The following PPP2R2B variants were observed in gnomAD, a reference collection of about 807,000 sequenced individuals.
The protein encoded by PPP2R2B is serine/threonine-protein phosphatase 2A 55 kDa regulatory subunit B beta isoform.
A neutral mutation model predicts 46.0 loss-of-function variants in PPP2R2B; 5 were observed. That is an observed-to-expected ratio of 0.11 (90% CI 0.06 to 0.23). PPP2R2B has a LOEUF of 0.23. Ranked by LOEUF, PPP2R2B falls within the 10% of genes least tolerant of loss-of-function variation. PPP2R2B has a pLI of 1.00. For missense variants in PPP2R2B, 367 were observed against 575.0 expected (o/e 0.64, Z 3.70); for synonymous variants, 215 against 206.7 (o/e 1.04, Z -0.34).
chr5:146,744,836 T>G (rs766870893), intron 2 of PPP2R2B, among the ~76,000 whole-genome samples: 5 of 152,208 alleles, frequency 3.3e-5, no homozygotes, highest in Non-Finnish European at 7.3e-5. Context: ...GATATTTATC[T>G]CCTACTTTCA....
At chr5:146,599,548 C>CTCTA (rs1771571992) in intron 8 of PPP2R2B, among the ~76,000 whole-genome samples, 1 of 152,204 alleles carries the variant, frequency 6.6e-6, no homozygotes, top group African/African-American at 2.4e-5. Flanking sequence ...AGCCCCTTGC[C>CTCTA]TCTATCTCCA....
At chr5:147,021,365 C>T (rs1755258887) in intron 1 of PPP2R2B, among the ~76,000 whole-genome samples, 1 of 152,142 alleles carries the variant, frequency 6.6e-6, no homozygotes, top group Non-Finnish European at 1.5e-5. Flanking sequence ...GAGGCAGATA[C>T]TGGAGAGGTG....
At chr5:146,992,927 T>C (rs1316644286) in intron 1 of PPP2R2B, among the ~76,000 whole-genome samples, 1 of 152,208 alleles carries the variant, frequency 6.6e-6, no homozygotes, top group Non-Finnish European at 1.5e-5. Context: ...ATTCTGGTGA[T>C]GAAAAATCTT....
At chr5:146,999,453 T>C (rs551485969) in intron 1 of PPP2R2B, among the ~76,000 whole-genome samples, 7 of 152,150 alleles carry the variant, frequency 4.6e-5, no homozygotes, top group Non-Finnish European at 1.0e-4. Context: ...ATATCAATAC[T>C]CAAGGCCTAT....
intron 7 of PPP2R2B, among the ~76,000 whole-genome samples, chr5:146,628,751 TA>T (rs1774227091): frequency 1.3e-5 from 2 of 152,250 alleles, no homozygotes. Context: ...GGCAGTGTGC[TA>T]ACTGCTTTTA....
intron 4 of PPP2R2B, among the ~76,000 whole-genome samples, chr5:146,692,674 C>T (rs1778930210): frequency 1.3e-5 from 2 of 151,850 alleles, no homozygotes; most frequent in African/African-American, 4.8e-5. Flanking sequence ...GGTGGGACTA[C>T]AGGCACCCAC....
At chr5:146,847,888 G>A (rs1341460884) in intron 2 of PPP2R2B, among the ~76,000 whole-genome samples, 1 of 152,212 alleles carries the variant, frequency 6.6e-6, no homozygotes, top group Non-Finnish European at 1.5e-5. Flanking sequence ...GGGGATACGA[G>A]CTCCTGCGGC....
intron 2 of PPP2R2B, among the ~76,000 whole-genome samples, chr5:146,793,797 A>G (rs1005597645): frequency 2.0e-5 from 3 of 152,198 alleles, no homozygotes; most frequent in Non-Finnish European, 4.4e-5. Flanking sequence ...AACAGAGCCA[A>G]AAGAATTCAG....
intron 1 of PPP2R2B, among the ~76,000 whole-genome samples, chr5:147,007,668 G>A (rs1754509069): frequency 6.6e-6 from 1 of 152,158 alleles, no homozygotes; most frequent in South Asian, 2.1e-4. Flanking sequence ...AACACTCACT[G>A]CGAAGGTCTG....
chr5:146,784,561 A>G (rs1019191623), intron 2 of PPP2R2B, among the ~76,000 whole-genome samples: 1 of 152,202 alleles, frequency 6.6e-6, no homozygotes, highest in Admixed American at 6.5e-5. Context: ...ATGAATATCA[A>G]TTAGAACTGG....
chr5:146,621,960 T>G (rs1485460326), intron 7 of PPP2R2B, among the ~76,000 whole-genome samples: 1 of 152,182 alleles, frequency 6.6e-6, no homozygotes, highest in African/African-American at 2.4e-5. Flanking sequence ...CCCAGTGTAC[T>G]CTAGCACTCC....
intron 7 of PPP2R2B, among the ~76,000 whole-genome samples, chr5:146,618,927 A>C (rs1201683368): frequency 6.6e-6 from 1 of 152,200 alleles, no homozygotes; most frequent in Non-Finnish European, 1.5e-5. Context: ...ATCTTCCCAA[A>C]GCAATGCCAC....
intron 1 of PPP2R2B, among the ~76,000 whole-genome samples, chr5:146,911,360 G>T (rs1158233784): frequency 6.6e-6 from 1 of 152,116 alleles, no homozygotes; most frequent in Non-Finnish European, 1.5e-5. Flanking sequence ...AGGATTACAG[G>T]GGTAAGCCAC....
intron 2 of PPP2R2B, among the ~76,000 whole-genome samples, chr5:146,763,499 C>T (rs527673624): frequency 2.9e-4 from 44 of 152,260 alleles, no homozygotes; most frequent in African/African-American, 1.0e-3. Context: ...ACCCAACACA[C>T]GAACTGACTC....
At chr5:146,940,447 A>G (rs1030215304) in intron 1 of PPP2R2B, among the ~76,000 whole-genome samples, 1 of 151,970 alleles carries the variant, frequency 6.6e-6, no homozygotes, top group African/African-American at 2.4e-5. Flanking sequence ...AATGCCAGTC[A>G]GGAGTTATAC....
Position 146,587,580 on chromosome 5 carries a change from C to CT in PPP2R2B, c.*2366dup, listed in dbSNP as rs1434529709. The CT allele has an allele frequency of 1.3e-5, 2 of 152,194 alleles. No individual in the cohort carries two copies. Among genetic ancestry groups the CT allele is most frequent in the Non-Finnish European group, 2.9e-5 (2 of 68,042 alleles). The allele number at this position is 152,194 out of a possible 1,614,324, so 9.4% of individuals were successfully genotyped here. A position where few individuals can be genotyped will look rare whatever the true frequency, so the allele number is the denominator to read the frequency against. On this transcript the variant is annotated 3_prime_UTR_variant, in exon 10 of 10. Transcript: ENST00000394411. ...TGTGTTATGGGCAGCCCTGCTGACTCTAATATGTGAAGAACCACCATCTTT... is the reference window on the plus strand; with the variant it reads ...TGTGTTATGGGCAGCCCTGCTGACTCTTAATATGTGAAGAACCACCATCTTT...
chr5:146,658,385 T>A lies in PPP2R2B; in HGVS notation c.448-7661A>T, dbSNP rs949794919. ...GGCTTCCTTCAAGAAACAGCCTTCA[T>A]GACTTTTTAGTAACAACTGGGACCC... On this transcript the variant is annotated intron_variant, in intron 5 of 9. Transcript: ENST00000394411. Among the ~76,000 whole-genome samples, 4 of 152,342 alleles carry A rather than the reference T, an allele frequency of 2.6e-5. No individual in the cohort carries two copies. In the South Asian group the frequency reaches 8.3e-4, roughly 32 times the overall value.
chr5:146,643,200 G>C (rs1775336512), intron 6 of PPP2R2B, among the ~76,000 whole-genome samples: 1 of 152,064 alleles, frequency 6.6e-6, no homozygotes, highest in Non-Finnish European at 1.5e-5. Context: ...GAGAGAGAGA[G>C]AGAGAGGGAG....
chr5:146,626,396 T>C (rs534415546), intron 7 of PPP2R2B, among the ~76,000 whole-genome samples: 59 of 152,278 alleles, frequency 3.9e-4, no homozygotes, highest in African/African-American at 1.3e-3. Flanking sequence ...AATGGAAAAA[T>C]GGTCATAAAA....
Sources: allele counts gnomAD v4.1 joint callset (sites outside exome capture counted in the v4.1 genomes callset), GRCh38; gene constraint gnomAD v4.1.1; transcripts MANE v1.5; gene names NCBI Gene and HGNC (gene_info 2026-07-23, HGNC 2026-07-21).